SPECC1: variants seen among roughly 807,000 people sequenced by gnomAD.
SPECC1 encodes the protein sperm antigen with calponin homology and coiled-coil domains 1.
Under a neutral mutation model 104.1 loss-of-function variants are expected in SPECC1, and 62 were observed. The observed-to-expected ratio is 0.60, with a 90% CI of 0.49 to 0.74. SPECC1 has a LOEUF of 0.74. SPECC1 is among the 30% of genes least tolerant of loss of function. The pLI is 0.00. For missense variants in SPECC1, 1,306 were observed against 1,310.5 expected, an observed-to-expected ratio of 1.00 and a Z score of 0.05; for synonymous variants, 513 against 501.6, an observed-to-expected ratio of 1.02 and a Z score of -0.30.
chr17:20,267,569 T>C (rs972217176), intron 12 of SPECC1, among the ~76,000 whole-genome samples: 2 of 151,966 alleles, frequency 1.3e-5, no homozygotes, highest in African/African-American at 4.8e-5. Context: ...CTCTGGCTTG[T>C]GGCAGAAGTT....
At chr17:20,287,358 A>G (rs998073837) in intron 12 of SPECC1, among the ~76,000 whole-genome samples, 2 of 140,036 alleles carry the variant, frequency 1.4e-5, no homozygotes, top group Admixed American at 7.8e-5. Flanking sequence ...CGGAGCTTGC[A>G]GTGAGCCGAG....
intron 2 of SPECC1, among the ~76,000 whole-genome samples, chr17:20,098,911 T>A (rs2047785419): frequency 6.6e-6 from 1 of 152,226 alleles, no homozygotes; most frequent in South Asian, 2.1e-4. Flanking sequence ...GAAGAGCACC[T>A]GCTACCTGGT....
intron 4 of SPECC1, among the ~76,000 whole-genome samples, chr17:20,226,676 G>A (rs866691991): frequency 2.6e-4 from 39 of 152,274 alleles, no homozygotes; most frequent in African/African-American, 9.4e-4. Flanking sequence ...TATTTAAAAT[G>A]TTTAACAATT....
intron 2 of SPECC1, among the ~76,000 whole-genome samples, chr17:20,106,655 G>GC (rs1483132992): frequency 6.6e-6 from 1 of 152,156 alleles, no homozygotes; most frequent in East Asian, 1.9e-4. Context: ...GCTCTCTCTT[G>GC]CCTACCAAGA....
At chr17:20,193,999 C>G (rs1208002965) in intron 3 of SPECC1, among the ~76,000 whole-genome samples, 1 of 152,146 alleles carries the variant, frequency 6.6e-6, no homozygotes, top group Non-Finnish European at 1.5e-5. Flanking sequence ...AACAGGTGTA[C>G]CATAGTTCTT....
At chr17:20,166,976 G>A (rs2033702922) in intron 3 of SPECC1, among the ~76,000 whole-genome samples, 1 of 151,906 alleles carries the variant, frequency 6.6e-6, no homozygotes, top group Admixed American at 6.6e-5. Flanking sequence ...GCTGGGCATG[G>A]TGGCACTGCT....
At position 20,234,107 on chromosome 17, in the gene SPECC1, C is replaced by T. The variant is rs1415380111; in HGVS notation, c.2351+1702C>T. Among the ~76,000 whole-genome samples the T allele has an allele frequency of 4.6e-5, 7 of 152,300 alleles. No individual in the cohort carries two copies. The East Asian group carries it at 5.8e-4, about 13-fold the overall frequency. ...TGATATTCTAGGAAATCTCCGCATA[C>T]GTCCTGCCAGTTTAGGACTCCCTAT... On this transcript the variant is annotated intron_variant, in intron 7 of 14. Coordinates refer to ENST00000395527, the MANE Select transcript of SPECC1 (RefSeq NM_001243439.2).
intron 1 of SPECC1, among the ~76,000 whole-genome samples, chr17:20,040,149 A>G (rs964107271): frequency 4.0e-5 from 6 of 150,348 alleles, no homozygotes; most frequent in Non-Finnish European, 7.4e-5. Flanking sequence ...ATTACATTAT[A>G]TGTATATATA....
chr17:20,222,860 C>A (rs1478258733), intron 4 of SPECC1, among the ~76,000 whole-genome samples: 1 of 152,126 alleles, frequency 6.6e-6, no homozygotes, highest in East Asian at 1.9e-4. Flanking sequence ...TCATGTTTGA[C>A]ATTTTTTCCT....
intron 5 of SPECC1, among the ~76,000 whole-genome samples, chr17:20,229,376 G>T (rs191296616): frequency 6.6e-6 from 1 of 152,094 alleles, no homozygotes; most frequent in Non-Finnish European, 1.5e-5. Flanking sequence ...TCAACAAAGC[G>T]CATCAGGCTA....
intron 10 of SPECC1, among the ~76,000 whole-genome samples, chr17:20,256,818 G>C (rs1158594005): frequency 2.0e-5 from 3 of 152,182 alleles, no homozygotes; most frequent in African/African-American, 7.2e-5. Flanking sequence ...TCCAAATCCA[G>C]CCTGGGCAAC....
chr17:20,208,903 A>G (rs2526483), intron 4 of SPECC1, among the ~76,000 whole-genome samples: 107,791 of 152,044 alleles, frequency 0.71, 40,018 homozygotes, highest in East Asian at 0.99. Context: ...GGGCTCAAGC[A>G]ATCCTCCCAC....
At chr17:20,232,648 T>G (rs1026937163) in intron 7 of SPECC1, among the ~76,000 whole-genome samples, 1 of 152,252 alleles carries the variant, frequency 6.6e-6, no homozygotes, top group Non-Finnish European at 1.5e-5. Context: ...TCTAGCCAAG[T>G]ATCCTGCTAG....
intron 7 of SPECC1, chr17:20,236,769 G>T: frequency 6.6e-7 from 1 of 1,521,102 alleles, no homozygotes; most frequent in South Asian, 1.1e-5. Context: ...GTGGGACAGT[G>T]TAAGCTGGAA....
intron 3 of SPECC1, among the ~76,000 whole-genome samples, chr17:20,162,209 G>A (rs889876891): frequency 1.3e-5 from 2 of 151,804 alleles, no homozygotes; most frequent in African/African-American, 4.8e-5. Context: ...GCAGTGGCAC[G>A]ATCTCGCCTC....
At chr17:20,207,921 T>C (rs2036889421) in intron 4 of SPECC1, among the ~76,000 whole-genome samples, 1 of 152,258 alleles carries the variant, frequency 6.6e-6, no homozygotes, top group Non-Finnish European at 1.5e-5. Context: ...TCTTTATTAA[T>C]TTTTTTGTCT....
intron 2 of SPECC1, among the ~76,000 whole-genome samples, chr17:20,102,709 G>A (rs2047999854): frequency 6.6e-6 from 1 of 152,166 alleles, no homozygotes; most frequent in Non-Finnish European, 1.5e-5. Flanking sequence ...TTGATGACTT[G>A]CTTGATGTTC....
intron 3 of SPECC1, among the ~76,000 whole-genome samples, chr17:20,117,693 A>C (rs1370835034): frequency 7.0e-6 from 1 of 142,872 alleles, no homozygotes; most frequent in Admixed American, 7.0e-5. Flanking sequence ...CTGAGGTGGG[A>C]TGATTGTCTC....
intron 4 of SPECC1, among the ~76,000 whole-genome samples, chr17:20,219,606 A>G (rs569911944): frequency 9.9e-4 from 151 of 152,122 alleles, no homozygotes; most frequent in African/African-American, 3.3e-3. Context: ...GTTTGCAAGT[A>G]TTTTCTCCCA....
Sources: gnomAD v4.1 joint callset for allele counts (sites outside exome capture counted in the v4.1 genomes callset) on GRCh38, gnomAD v4.1.1 for gene constraint, MANE v1.5 for transcripts, NCBI Gene and HGNC (gene_info 2026-07-23, HGNC 2026-07-21) for gene names.